The following NOM1 variants were observed in gnomAD, a reference collection of about 807,000 sequenced individuals.
NOM1 encodes nucleolar MIF4G domain-containing protein 1.
A neutral mutation model predicts 73.3 loss-of-function variants in NOM1; 58 were observed. The observed-to-expected ratio is 0.79, with a 90% CI of 0.64 to 0.99. The LOEUF is 0.99. Among genes scored for constraint, NOM1 ranks in the 50% least tolerant of loss-of-function variants. The pLI is 0.00. For synonymous variants in NOM1, 487 were observed against 446.8 expected (o/e 1.09, Z -1.14); for missense variants, 1,226 against 1,131.9 (o/e 1.08, Z -1.19).
In NOM1 at chr7:156,954,307, G is replaced by A; in HGVS notation, c.1308+9G>A. 1 of 1,569,230 alleles carries A rather than the reference G, an allele frequency of 6.4e-7. No individual in the cohort carries two copies. Among genetic ancestry groups the A allele is most frequent in the South Asian group, 1.2e-5 (1 of 85,680 alleles). ...ACACAGTTGGAATCGAGGTACAGTTGTACCTTTTCTCCAGGCTGTCACTAG... is the reference window on the plus strand; with the variant it reads ...ACACAGTTGGAATCGAGGTACAGTTATACCTTTTCTCCAGGCTGTCACTAG... On this transcript the variant is annotated intron_variant, in intron 3 of 10. Coordinates refer to ENST00000275820, the MANE Select transcript of NOM1 (RefSeq NM_138400.2).
Position 156,973,048 on chromosome 7 carries a change from A to G in NOM1, c.*3345A>G, listed in dbSNP as rs575572961. 3.3e-5 allele frequency: 5 copies of G among 152,356 alleles called. No individual in the cohort carries two copies. Among genetic ancestry groups the G allele is most frequent in the East Asian group, 3.8e-4 (2 of 5,196 alleles). The allele number at this position is 152,356 out of a possible 1,614,324, so 9.4% of individuals were successfully genotyped here. A position where few individuals can be genotyped will look rare whatever the true frequency, so the allele number is the denominator to read the frequency against. On this transcript the variant is annotated 3_prime_UTR_variant, in exon 11 of 11. Transcript: ENST00000275820. ...TATGTATGAACTTGTGGACTTTACAATGCAGGTTGAGAACTGCTAATGTAT... is the reference window on the plus strand; with the variant it reads ...TATGTATGAACTTGTGGACTTTACAGTGCAGGTTGAGAACTGCTAATGTAT...
rs1804672678 is a variant in NOM1 at position 156,954,522 on chromosome 7, C to CTTTTTTTTCTTTTTTTT, written c.1308+232_1308+233insCTTTTTTTTTTTTTTTT. On this transcript the variant is annotated intron_variant, in intron 3 of 10. Coordinates refer to ENST00000275820, the MANE Select transcript of NOM1 (RefSeq NM_138400.2). Reference sequence around the variant, plus strand: ...ACTTTGCTTTTTTGTTCTGTCCATTCTTTTTTTTTTTTTTTTTTTTGAGAC... The same window carrying CTTTTTTTTCTTTTTTTT: ...ACTTTGCTTTTTTGTTCTGTCCATTCTTTTTTTTCTTTTTTTTTTTTTTTTTTTTTTTTTTTTGAGAC... 2.0e-5 allele frequency among the ~76,000 whole-genome samples: 2 copies of CTTTTTTTTCTTTTTTTT among 101,660 alleles called. 1 individual carries two copies. Among genetic ancestry groups the CTTTTTTTTCTTTTTTTT allele is most frequent in the Non-Finnish European group, 3.8e-5 (2 of 52,560 alleles). 66.7% of individuals were successfully genotyped at this position (101,660 alleles called of 152,430 possible).
At position 156,952,551 on chromosome 7, in the gene NOM1, G is replaced by A; in HGVS notation, c.1065G>A (p.Lys355=). The part of the protein sequence containing the change: ...QAEETVDFKK[K]EELERLKKHV... ...AGGAGACAGTGGACTTCAAGAAAAA[G>A]GAAGAACTAGAAAGGCTGAAGAAAC... The change falls in exon 2 of 11, where the codon AAG becomes AAA. Residue 355 remains lysine, a synonymous_variant. Coordinates refer to ENST00000275820, the MANE Select transcript of NOM1 (RefSeq NM_138400.2). The A allele has an allele frequency of 1.2e-6, 2 of 1,614,074 alleles. No homozygotes were observed. The highest frequency in any genetic ancestry group is 1.3e-5 in the African/African-American group (1 of 75,028).
intron 3 of NOM1, among the ~76,000 whole-genome samples, chr7:156,954,633 A>G (rs1338887706): frequency 6.7e-6 from 1 of 148,598 alleles, no homozygotes; most frequent in Admixed American, 6.8e-5. Context: ...CATCCTCCAG[A>G]GTAGCTGGAA....
intron 1 of NOM1, among the ~76,000 whole-genome samples, chr7:156,951,136 T>C (rs1804582241): frequency 1.3e-5 from 2 of 152,106 alleles, no homozygotes; most frequent in African/African-American, 4.8e-5. Context: ...TTAGATAAAG[T>C]CCAACATTGA....
rs765714266 is a variant in NOM1 at position 156,949,772 on chromosome 7, C to A, written c.35C>A (p.Pro12Gln). The A allele has an allele frequency of 1.4e-6, 2 of 1,402,476 alleles. No individual in the cohort carries two copies. Among genetic ancestry groups the A allele is most frequent in the Non-Finnish European group, 9.2e-7 (1 of 1,083,702 alleles). The allele number at this position is 1,402,476 out of a possible 1,614,324, so 86.9% of individuals were successfully genotyped here. A position where few individuals can be genotyped will look rare whatever the true frequency, so the allele number is the denominator to read the frequency against. ...AASRSAGEAG[P>Q]GGSQGRVVRM... ...TCCAGGAGCGCGGGAGAGGCCGGCC[C>A]GGGCGGCTCCCAGGGACGCGTGGTC... The change falls in exon 1 of 11, where the codon CCG (proline) becomes CAG (glutamine). Residue 12 changes from proline to glutamine, a missense_variant. Coordinates refer to ENST00000275820, the MANE Select transcript of NOM1 (RefSeq NM_138400.2).
At chr7:156,952,683 A>T in intron 2 of NOM1, 85 bp downstream of exon 2, 5 of 1,422,618 alleles carry the variant, frequency 3.5e-6, no homozygotes, top group Non-Finnish European at 4.9e-6. Context: ...CAATTCAAAT[A>T]GAAGTGATGG....
intron 8 of NOM1, among the ~76,000 whole-genome samples, 184 bp from the exon 9 acceptor site, chr7:156,966,777 T>C (rs1805008868): frequency 6.6e-6 from 1 of 152,166 alleles, no homozygotes; most frequent in African/African-American, 2.4e-5. Flanking sequence ...CAGAAGGAGA[T>C]TCTTGTGAAG....
At position 156,963,130 on chromosome 7, in the gene NOM1, C is replaced by T. The variant is rs114948943; in HGVS notation, c.1866C>T (p.Ile622=). 9.0e-5 allele frequency: 145 copies of T among 1,614,110 alleles called. 2 individuals are homozygous for T. In the African/African-American group the frequency reaches 1.5e-3, roughly 17 times the overall value. The part of the protein sequence containing the change: ...VGSAWSGAPM[I]DNSHHTHLQK... ...CCGCCTGGAGTGGGGCCCCGATGAT[C>T]GACAACAGTCACCATACGCACCTGC... The change falls in exon 6 of 11, where the codon ATC becomes ATT. Residue 622 remains isoleucine (I), a synonymous_variant. Transcript: ENST00000275820.
rs1421674065 is a variant in NOM1, at chr7:156,950,359, C to T, written c.622C>T (p.Pro208Ser). Residue 208 changes from proline (P) to serine (S), a missense_variant, in exon 1 of 11, where the codon CCG becomes TCG. By Grantham distance (74) the Pro-to-Ser change is moderately conservative. Coordinates refer to ENST00000275820, the MANE Select transcript of NOM1 (RefSeq NM_138400.2). The stretch of plus-strand genomic sequence containing the variant: ...AAAGAAGGACGGCAGCAGCTCCGTG[C>T]CGCTGAGCTTTGCACGCGACGGTCT... ...RKKKDGSSSV[P>S]LSFARDGLDY... The T allele has an allele frequency of 5.0e-5, 81 of 1,614,106 alleles. No individual in the cohort carries two copies. The Admixed American group carries it at 1.1e-3, about 22-fold the overall frequency.
chr7:156,952,479 T>A lies in NOM1; in HGVS notation c.993T>A (p.Leu331=), dbSNP rs769839570. 3 of 1,610,396 alleles carry A rather than the reference T, an allele frequency of 1.9e-6. No individual in the cohort carries two copies. The highest frequency in any genetic ancestry group is 3.4e-5 in the Admixed American group (2 of 59,048). ...SEDGDITDKS[L]CGSGEKYIPP... ...TTATTTCTCTTTTCAAGCAGAGTCTTTGTGGAAGTGGTGAAAAGTACATCC... is the reference window on the plus strand; with the variant it reads ...TTATTTCTCTTTTCAAGCAGAGTCTATGTGGAAGTGGTGAAAAGTACATCC... Residue 331 remains leucine (L), a synonymous_variant, in exon 2 of 11, where the codon CTT becomes CTA. Coordinates refer to ENST00000275820, the MANE Select transcript of NOM1 (RefSeq NM_138400.2).
chr7:156,965,108 C>T (rs180959637), intron 7 of NOM1, among the ~76,000 whole-genome samples: 2 of 152,350 alleles, frequency 1.3e-5, no homozygotes, highest in Admixed American at 6.5e-5. Context: ...CCGCCTTCGC[C>T]GCCTGCGCTG....
At chr7:156,964,088 T>G in intron 7 of NOM1, 62 bp downstream of exon 7, 1 of 1,565,954 alleles carries the variant, frequency 6.4e-7, no homozygotes, top group South Asian at 1.2e-5. Context: ...GTAAGTTGAT[T>G]TGCTTTTTGA....
chr7:156,949,781 C>T lies in NOM1; in HGVS notation c.44C>T (p.Ser15Phe). The T allele has an allele frequency of 2.1e-6, 3 of 1,401,014 alleles. No homozygotes were observed. Among genetic ancestry groups the T allele is most frequent in the East Asian group, 2.8e-5 (1 of 35,842 alleles). The allele number at this position is 1,401,014 out of a possible 1,614,324, so 86.8% of individuals were successfully genotyped here. A position where few individuals can be genotyped will look rare whatever the true frequency, so the allele number is the denominator to read the frequency against. Residue 15 changes from serine to phenylalanine, a missense_variant, in exon 1 of 11, where the codon TCC becomes TTC. Transcript: ENST00000275820. ...GCGGGAGAGGCCGGCCCGGGCGGCT[C>T]CCAGGGACGCGTGGTCCGCATGAAG... is the stretch of plus-strand genomic sequence containing the variant. ...RSAGEAGPGG[S>F]QGRVVRMKRR...
chr7:156,969,071 A>G lies in NOM1; in HGVS notation c.2299-16A>G, dbSNP rs760009574. The G allele has an allele frequency of 6.6e-6, 9 of 1,354,172 alleles. No individual in the cohort carries two copies. The highest frequency in any genetic ancestry group is 7.4e-6 in the Non-Finnish European group (7 of 943,104). The allele number at this position is 1,354,172 out of a possible 1,614,324, so 83.9% of individuals were successfully genotyped here. On this transcript the variant is annotated splice_polypyrimidine_tract_variant and intron_variant, in intron 9 of 10. Transcript: ENST00000275820. Reference sequence around the variant, plus strand: ...AATCAGTGTAACTTTATTTTTCTCCATGTCCTGACCATTAGGTAGTTGAAT... The same window carrying G: ...AATCAGTGTAACTTTATTTTTCTCCGTGTCCTGACCATTAGGTAGTTGAAT...
rs545670845 is a variant in NOM1 at position 156,956,092 on chromosome 7, C to G, written c.1308+1794C>G. Among the ~76,000 whole-genome samples, 5 of 151,882 alleles carry G rather than the reference C, an allele frequency of 3.3e-5. No individual in the cohort carries two copies. The East Asian group carries it at 9.7e-4, about 29-fold the overall frequency. On this transcript the variant is annotated intron_variant, in intron 3 of 10. Transcript: ENST00000275820. ...CCTGAAGTCCCAGCTACTCCGGAGACTGAGGCAGGAGAATGGCGTGAACCC... is the reference window on the plus strand; with the variant it reads ...CCTGAAGTCCCAGCTACTCCGGAGAGTGAGGCAGGAGAATGGCGTGAACCC...
chr7:156,952,687 G>T, intron 2 of NOM1, 89 bp downstream of exon 2: 4 of 1,390,854 alleles, frequency 2.9e-6, no homozygotes, highest in Non-Finnish European at 4.0e-6. Flanking sequence ...TCAAATAGAA[G>T]TGATGGGGAC....
In NOM1 at chr7:156,957,774, CAAA is replaced by C. The variant is rs10549596; in HGVS notation, c.1309-2053_1309-2051del. 1.6e-3 allele frequency among the ~76,000 whole-genome samples: 180 copies of C among 115,426 alleles called. 1 individual carries two copies. The highest frequency in any genetic ancestry group is 2.2e-3 in the Non-Finnish European group (126 of 57,132). 75.7% of individuals were successfully genotyped at this position (115,426 alleles called of 152,430 possible). A position where few individuals can be genotyped will look rare whatever the true frequency, so the allele number is the denominator to read the frequency against. On this transcript the variant is annotated intron_variant, in intron 3 of 10. Transcript: ENST00000275820. ...TGGGCGACAGAGCGAGACTCCGTCT[CAAA>C]AAAAAAAAAAAAAAAAAAAAAAAGA...
Position 156,950,322 on chromosome 7 carries a change from G to C in NOM1, c.585G>C (p.Leu195Phe). Residue 195 changes from leucine to phenylalanine, a missense_variant, in exon 1 of 11, where the codon TTG becomes TTC. Leu to Phe is a conservative substitution (Grantham distance 22). Coordinates refer to ENST00000275820, the MANE Select transcript of NOM1 (RefSeq NM_138400.2). ...GAAAGCTGGAGCGTTGCCTCGGTTT[G>C]AACAAGCGCAAAAAGAAGGACGGCA... is the stretch of plus-strand genomic sequence containing the variant. Reference protein sequence around the residue: ...EIRKLERCLGLNKRKKKDGSS... With the variant: ...EIRKLERCLGFNKRKKKDGSS... 3 of 1,613,968 alleles carry C rather than the reference G, an allele frequency of 1.9e-6. No homozygotes were observed. In the South Asian group the frequency reaches 3.3e-5, roughly 18 times the overall value.
Sources: allele counts gnomAD v4.1 joint callset (sites outside exome capture counted in the v4.1 genomes callset), GRCh38; gene constraint gnomAD v4.1.1; transcripts MANE v1.5; gene names NCBI Gene and HGNC (gene_info 2026-07-23, HGNC 2026-07-21).